Variants in CNOT6 observed in about 807,000 individuals in gnomAD.
CNOT6 encodes the protein CCR4-NOT transcription complex subunit 6, also known as carbon catabolite repression 4 protein.
Under a neutral mutation model 61.2 loss-of-function variants are expected in CNOT6, and 12 were observed. The observed-to-expected ratio is 0.20, with a 90% confidence interval of 0.13 to 0.32. CNOT6 has a LOEUF of 0.32. CNOT6 is among the 10% of genes least tolerant of loss of function. The pLI is 1.00. For missense variants in CNOT6, 405 were observed against 663.9 expected (o/e 0.61, Z 4.28); for synonymous variants, 225 against 240.6 (o/e 0.94, Z 0.60).
At chr5:180,545,346 G>A (rs868772888) in intron 2 of CNOT6, among the ~76,000 whole-genome samples, 1 of 152,034 alleles carries the variant, frequency 6.6e-6, no homozygotes, top group Non-Finnish European at 1.5e-5. Flanking sequence ...CTAAGCAACC[G>A]CTGTTCTGCT....
chr5:180,509,663 C>T (rs1026038671), intron 1 of CNOT6, among the ~76,000 whole-genome samples: 2 of 151,294 alleles, frequency 1.3e-5, no homozygotes, highest in African/African-American at 4.9e-5. Flanking sequence ...GATCCACTTG[C>T]CTCGGCCTCC....
At chr5:180,551,761 A>G (rs1474135103) in intron 3 of CNOT6, among the ~76,000 whole-genome samples, 3 of 151,756 alleles carry the variant, frequency 2.0e-5, no homozygotes, top group East Asian at 1.9e-4. Flanking sequence ...CTTTGCCTCT[A>G]TTGCTCCTAC....
At chr5:180,534,076 TA>T (rs1206128128) in intron 2 of CNOT6, 1 of 152,864 alleles carries the variant, frequency 6.5e-6, no homozygotes, top group Non-Finnish European at 1.5e-5. Context: ...TTTACCTCTA[TA>T]GGGGGGTGGG....
At chr5:180,560,976 A>G (rs199930294) in intron 4 of CNOT6, among the ~76,000 whole-genome samples, 2 of 149,902 alleles carry the variant, frequency 1.3e-5, no homozygotes, top group Non-Finnish European at 3.0e-5. Flanking sequence ...CAATCAGTCA[A>G]TCAAGAGACG....
At chr5:180,537,240 A>G (rs1758744464) in intron 2 of CNOT6, among the ~76,000 whole-genome samples, 1 of 152,252 alleles carries the variant, frequency 6.6e-6, no homozygotes, top group African/African-American at 2.4e-5. Flanking sequence ...CTGTATTCTA[A>G]AGTGGCTGTA....
At chr5:180,562,634 G>A (rs1760245536) in intron 4 of CNOT6, among the ~76,000 whole-genome samples, 1 of 152,110 alleles carries the variant, frequency 6.6e-6, no homozygotes, top group Non-Finnish European at 1.5e-5. Flanking sequence ...CAGCTACCTG[G>A]GAGGCTGAGG....
chr5:180,508,002 A>C (rs900940207), intron 1 of CNOT6, among the ~76,000 whole-genome samples: 1 of 152,296 alleles, frequency 6.6e-6, no homozygotes, highest in Admixed American at 6.5e-5. Flanking sequence ...CACTGGGGAT[A>C]CAATTTGACA....
At chr5:180,520,340 AAAGTT>A (rs1757825951) in intron 1 of CNOT6, among the ~76,000 whole-genome samples, 1 of 152,170 alleles carries the variant, frequency 6.6e-6, no homozygotes, top group South Asian at 2.1e-4. Flanking sequence ...TCTGGGCTTC[AAAGTT>A]AAAAGTTAAG....
intron 1 of CNOT6, among the ~76,000 whole-genome samples, chr5:180,504,902 C>T (rs13169807): frequency 0.46 from 68,731 of 150,440 alleles, 16,907 homozygotes; most frequent in Non-Finnish European, 0.56. Context: ...TTGATTCTTA[C>T]TGATAATTGA....
At chr5:180,567,803 G>A (rs754927468) in intron 8 of CNOT6, 46 bp from the exon 9 acceptor site, 1 of 1,612,820 alleles carries the variant, frequency 6.2e-7, no homozygotes, top group African/African-American at 1.3e-5. Flanking sequence ...TAACCTCTTG[G>A]TATTCCCAAC....
At chr5:180,571,163 A>G in intron 10 of CNOT6, 67 bp from the exon 11 acceptor site, 4 of 1,110,844 alleles carry the variant, frequency 3.6e-6, no homozygotes, top group Non-Finnish European at 5.3e-6. Context: ...ACTTCTTACT[A>G]TTGCATGATC....
intron 1 of CNOT6, among the ~76,000 whole-genome samples, chr5:180,505,554 T>G (rs1160389380): frequency 7.2e-6 from 1 of 138,924 alleles, no homozygotes; most frequent in South Asian, 2.4e-4. Flanking sequence ...TTAATTTTTT[T>G]TTTTTTTTTT....
At chr5:180,524,214 T>G (rs1021449425) in intron 1 of CNOT6, among the ~76,000 whole-genome samples, 1 of 152,224 alleles carries the variant, frequency 6.6e-6, no homozygotes, top group Non-Finnish European at 1.5e-5. Flanking sequence ...AGGTGTTTTT[T>G]GGAATACTTT....
intron 11 of CNOT6, 134 bp from the exon 12 acceptor site, chr5:180,573,854 C>G (rs1760887407): frequency 1.5e-6 from 1 of 658,336 alleles, no homozygotes; most frequent in South Asian, 1.9e-5. Flanking sequence ...TAGTACAGAC[C>G]TCATCCTACA....
Position 180,550,133 on chromosome 5 carries a change from T to C in CNOT6, c.299+16T>C, listed in dbSNP as rs1159769281. On this transcript the variant is annotated intron_variant, in intron 3 of 11. Coordinates refer to ENST00000261951, the MANE Select transcript of CNOT6 (RefSeq NM_001370472.1). ...TATCACTCAGGTATGCAGATTCAACTTAATACATACTAGCTATATGACCCC... is the reference window on the plus strand; with the variant it reads ...TATCACTCAGGTATGCAGATTCAACCTAATACATACTAGCTATATGACCCC... 1 of 1,606,516 alleles carries C rather than the reference T, an allele frequency of 6.2e-7. No homozygotes were observed. Among genetic ancestry groups the C allele is most frequent in the African/African-American group, 1.3e-5 (1 of 74,772 alleles).
intron 2 of CNOT6, among the ~76,000 whole-genome samples, chr5:180,538,111 A>T (rs1178278744): frequency 7.2e-6 from 1 of 139,430 alleles, no homozygotes; most frequent in Non-Finnish European, 1.5e-5. Flanking sequence ...GGATCTCCGC[A>T]CATTGTAAGC....
At chr5:180,569,078 CTCT>C in intron 9 of CNOT6, 29 bp from the exon 10 acceptor site, 1 of 1,545,666 alleles carries the variant, frequency 6.5e-7, no homozygotes, top group Non-Finnish European at 8.9e-7. Flanking sequence ...CGGGTTTTGT[CTCT>C]TTCTTTGTTT....
chr5:180,566,925 G>T (rs1451098074), intron 7 of CNOT6, among the ~76,000 whole-genome samples, 163 bp from the exon 8 acceptor site: 2 of 151,750 alleles, frequency 1.3e-5, no homozygotes, highest in African/African-American at 4.8e-5. Context: ...AAGTGCTGGG[G>T]TTACAGACAT....
chr5:180,574,245 G>A lies in CNOT6; in HGVS notation c.*45G>A, dbSNP rs1416117901. 6.6e-7 allele frequency: 1 copy of A among 1,526,488 alleles called. No individual in the cohort carries two copies. Among genetic ancestry groups the A allele is most frequent in the Non-Finnish European group, 9.1e-7 (1 of 1,100,936 alleles). The allele number at this position is 1,526,488 out of a possible 1,614,324, so 94.6% of individuals were successfully genotyped here. On this transcript the variant is annotated 3_prime_UTR_variant, in exon 12 of 12. Coordinates refer to ENST00000261951, the MANE Select transcript of CNOT6 (RefSeq NM_001370472.1). ...AGCCTTGATTCACTTGTAAACTTGT[G>A]AAAATCTGAACATAGGGGAGTGAGG...
Sources: gnomAD v4.1 joint callset for allele counts (sites outside exome capture counted in the v4.1 genomes callset) on GRCh38, gnomAD v4.1.1 for gene constraint, MANE v1.5 for transcripts, NCBI Gene and HGNC (gene_info 2026-07-23, HGNC 2026-07-21) for gene names.